Variants in PLOD1 observed in about 807,000 individuals in gnomAD.
The protein encoded by PLOD1 is lysine hydroxylase.
In PLOD1, 70 loss-of-function variants were observed where a neutral mutation model predicts 94.7. The ratio of observed to expected loss-of-function variants is 0.74; its 90% CI spans 0.61 to 0.90. The LOEUF (loss-of-function observed/expected upper bound fraction) is 0.90, where lower values mean the gene tolerates loss of function less well. PLOD1 is among the 40% of genes least tolerant of loss of function. The pLI is 0.00. For missense variants in PLOD1, 905 were observed against 972.7 expected, an observed-to-expected ratio of 0.93 and a Z score of 0.93; for synonymous variants, 417 against 400.2, an observed-to-expected ratio of 1.04 and a Z score of -0.50.
rs774190631 is a variant in PLOD1, at chr1:11,963,502, T to G, written c.1098-30T>G. The G allele has an allele frequency of 2.1e-6, 3 of 1,396,620 alleles. No homozygotes were observed. Among genetic ancestry groups the G allele is most frequent in the Non-Finnish European group, 3.0e-6 (3 of 998,994 alleles). The allele number at this position is 1,396,620 out of a possible 1,614,324, so 86.5% of individuals were successfully genotyped here. A position where few individuals can be genotyped will look rare whatever the true frequency, so the allele number is the denominator to read the frequency against. Reference sequence around the variant, plus strand: ...AGCCACCAGTAGCTCCAGGATCAGGTGCACTGACCCTGTGTCCTCCTCCTT... The same window carrying G: ...AGCCACCAGTAGCTCCAGGATCAGGGGCACTGACCCTGTGTCCTCCTCCTT... On this transcript the variant is annotated intron_variant, in intron 10 of 18. Transcript: ENST00000196061. The surrounding 1 kb of genome is among the most constrained non-coding windows in gnomAD (Gnocchi z 4.3).
chr1:11,943,220 T>C (rs1966174), intron 1 of PLOD1, among the ~76,000 whole-genome samples: 134,827 of 151,782 alleles, frequency 0.89, 60,235 homozygotes, highest in East Asian at 1. Context: ...GAACTCCTGA[T>C]CTCATGATCC....
At position 11,973,017 on chromosome 1, in the gene PLOD1, G is replaced by A; in HGVS notation, c.2028+20G>A. ...TACGAGGTGAGCAGGAGCCAGCCGG[G>A]GTCAAGGGGCCGGCAATGGGGATGA... On this transcript the variant is annotated intron_variant, in intron 18 of 18. Coordinates refer to ENST00000196061, the MANE Select transcript of PLOD1 (RefSeq NM_000302.4). 6.2e-7 allele frequency: 1 copy of A among 1,613,614 alleles called. No homozygotes were observed. The highest frequency in any genetic ancestry group is 8.5e-7 in the Non-Finnish European group (1 of 1,179,720).
rs1645873231 is a variant in PLOD1 at position 11,972,491 on chromosome 1, G to T, written c.1903-381G>T. 4.0e-6 allele frequency: 1 copy of T among 251,096 alleles called. No homozygotes were observed. The highest frequency in any genetic ancestry group is 4.8e-5 in the Admixed American group (1 of 21,000). 15.6% of individuals were successfully genotyped at this position (251,096 alleles called of 1,614,324 possible). On this transcript the variant is annotated intron_variant, in intron 17 of 18. Transcript: ENST00000196061. The surrounding 1 kb of genome is among the most constrained non-coding windows in gnomAD (Gnocchi z 4.6). ...TGGTCTCAAACTCCTGACCTCAGGT[G>T]ATCCGCCCACCTTGGCCTCCCAAAG... is the stretch of plus-strand genomic sequence containing the variant.
In PLOD1 at chr1:11,957,188, G is replaced by A. The variant is rs1414179236; in HGVS notation, c.741+174G>A. On this transcript the variant is annotated intron_variant, in intron 7 of 18. Transcript: ENST00000196061. The surrounding 1 kb of genome is among the most constrained non-coding windows in gnomAD (Gnocchi z 4.1). ...CAGCGTGATGCCTTCTTTTCCTGCT[G>A]TGGTGGTCAGTGGTACTCTGTCTGT... 13 of 760,820 alleles carry A rather than the reference G, an allele frequency of 1.7e-5. No individual in the cohort carries two copies. The highest frequency in any genetic ancestry group is 3.2e-5 in the Non-Finnish European group (13 of 406,322). The allele number at this position is 760,820 out of a possible 1,614,324, so 47.1% of individuals were successfully genotyped here.
chr1:11,965,391 A>T, intron 13 of PLOD1, 89 bp from the exon 14 acceptor site: 2 of 781,752 alleles, frequency 2.6e-6, no homozygotes, highest in Non-Finnish European at 4.4e-6. Context: ...AGGAGGCTGC[A>T]CTGTTGCCCG....
In PLOD1 at chr1:11,972,643, C is replaced by T. The variant is rs980627368; in HGVS notation, c.1903-229C>T. The T allele has an allele frequency of 4.0e-6, 2 of 500,890 alleles. No individual in the cohort carries two copies. The highest frequency in any genetic ancestry group is 7.3e-6 in the Non-Finnish European group (2 of 273,148). The allele number at this position is 500,890 out of a possible 1,614,324, so 31.0% of individuals were successfully genotyped here. ...CCTCCCTTCCTTTCTTCCTTCCCCTCTGTTCTCTTCCTTCCCTCCCTCTCT... is the reference window on the plus strand; with the variant it reads ...CCTCCCTTCCTTTCTTCCTTCCCCTTTGTTCTCTTCCTTCCCTCCCTCTCT... On this transcript the variant is annotated intron_variant, in intron 17 of 18. Transcript: ENST00000196061. The surrounding 1 kb of genome is among the most constrained non-coding windows in gnomAD (Gnocchi z 4.6).
rs1557500405 is a variant in PLOD1, at chr1:11,970,846, CG to C, written c.1902+34del. The C allele has an allele frequency of 3.1e-6, 4 of 1,269,844 alleles. No homozygotes were observed. In the South Asian group the frequency reaches 5.0e-5, roughly 16 times the overall value. The allele number at this position is 1,269,844 out of a possible 1,614,324, so 78.7% of individuals were successfully genotyped here. Reference sequence around the variant, plus strand: ...GCAAGCCTGGGGCATAGCCAGGATGCGGGGACAGTTGGGTGGGGTGTCAGTG... The same window carrying C: ...GCAAGCCTGGGGCATAGCCAGGATGCGGGACAGTTGGGTGGGGTGTCAGTG... On this transcript the variant is annotated intron_variant, in intron 17 of 18. Transcript: ENST00000196061.
chr1:11,970,571 T>C (rs1443651658), intron 16 of PLOD1, 99 bp from the exon 17 acceptor site: 12 of 1,093,682 alleles, frequency 1.1e-5, no homozygotes, highest in Admixed American at 1.9e-5. Flanking sequence ...TGTCATGTAA[T>C]GTGGTCCGGT....
intron 18 of PLOD1, 137 bp from the exon 19 acceptor site, chr1:11,974,516 C>T: frequency 1.2e-6 from 1 of 824,810 alleles, no homozygotes; most frequent in African/African-American, 1.7e-5. Context: ...CTTAGCAGCG[C>T]TTGTGGCTGT....
Position 11,966,314 on chromosome 1 carries a change from A to G in PLOD1, c.1648A>G (p.Thr550Ala). Reference sequence around the variant, plus strand: ...AGCCCTGGCAGGGAAGCTGGTGGAGACGGTAAGGGCCATGGACACCCTCTT... The same window carrying G: ...AGCCCTGGCAGGGAAGCTGGTGGAGGCGGTAAGGGCCATGGACACCCTCTT... ...TKALAGKLVETPCPDVYWFPI... is the reference protein window; with the variant it reads ...TKALAGKLVEAPCPDVYWFPI... Residue 550 changes from threonine to alanine, a missense_variant and splice_region_variant, in exon 15 of 19, where the codon ACG becomes GCG. Transcript: ENST00000196061. 6.2e-7 allele frequency: 1 copy of G among 1,603,388 alleles called. No homozygotes were observed.
At chr1:11,947,657 G>A (rs772816475) in intron 1 of PLOD1, among the ~76,000 whole-genome samples, 4 of 152,150 alleles carry the variant, frequency 2.6e-5, no homozygotes, top group Non-Finnish European at 5.9e-5. Flanking sequence ...CATTCATGAG[G>A]GATCTACCTC....
At chr1:11,967,658 A>ATTTT (rs1553136726) in intron 16 of PLOD1, among the ~76,000 whole-genome samples, 10 of 108,992 alleles carry the variant, frequency 9.2e-5, no homozygotes, top group Non-Finnish European at 7.0e-5. Context: ...ATATATATAT[A>ATTTT]TTTTTTTTAA....
rs546494664 is a variant in PLOD1, at chr1:11,959,742, C to T, written c.976-904C>T. On this transcript the variant is annotated intron_variant, in intron 9 of 18. Coordinates refer to ENST00000196061, the MANE Select transcript of PLOD1 (RefSeq NM_000302.4). ...AAGCCATTCTCCTGCCTCAGCCTCC[C>T]GAGTAGCTGGGATTACAGGCGCCTG... Among the ~76,000 whole-genome samples the T allele has an allele frequency of 6.6e-5, 10 of 151,360 alleles. 1 individual carries two copies. In the East Asian group the frequency reaches 1.2e-3, roughly 18 times the overall value.
At chr1:11,953,595 C>A (rs1645718346) in intron 5 of PLOD1, among the ~76,000 whole-genome samples, 1 of 151,482 alleles carries the variant, frequency 6.6e-6, no homozygotes, top group Non-Finnish European at 1.5e-5. Context: ...AGTTTGAGAC[C>A]AGCCTGGCCA....
chr1:11,940,428 C>T (rs1274936438), intron 1 of PLOD1, among the ~76,000 whole-genome samples: 1 of 152,140 alleles, frequency 6.6e-6, no homozygotes, highest in East Asian at 1.9e-4. Flanking sequence ...GTCGCCAGAA[C>T]CCCCCCGCAG....
Position 11,965,485 on chromosome 1 carries a change from G to A in PLOD1, c.1476G>A (p.Val492=). Residue 492 remains valine, a synonymous_variant, in exon 14 of 19, where the codon GTG becomes GTA. Transcript: ENST00000196061. ...ACCGGGCCTGTCCTCCCCAGGATGT[G>A]TTCATGTTCCTGACCAACCGGCACA... is the stretch of plus-strand genomic sequence containing the variant. ...AFCANIRQQD[V]FMFLTNRHTL... is the part of the protein sequence containing the mutation. 2 of 1,608,314 alleles carry A rather than the reference G, an allele frequency of 1.2e-6. No homozygotes were observed. Among genetic ancestry groups the A allele is most frequent in the Non-Finnish European group, 1.7e-6 (2 of 1,175,158 alleles).
rs375461445 is a variant in PLOD1 at position 11,974,611 on chromosome 1, G to T, written c.2029-42G>T. The T allele has an allele frequency of 5.7e-6, 9 of 1,590,550 alleles. No homozygotes were observed. In the East Asian group the frequency reaches 1.3e-4, roughly 24 times the overall value. On this transcript the variant is annotated intron_variant, in intron 18 of 18. Transcript: ENST00000196061. The stretch of plus-strand genomic sequence containing the variant: ...TCATGACGGGAGAACAGACGGGCAG[G>T]GGGGCGGTGGGGAAAGGCCACTGAT...
intron 1 of PLOD1, among the ~76,000 whole-genome samples, chr1:11,937,614 G>A (rs1259992811): frequency 1.3e-5 from 2 of 152,214 alleles, no homozygotes; most frequent in Non-Finnish European, 2.9e-5. Context: ...TGCCCATGAT[G>A]AAGCCCGGTG....
chr1:11,956,274 C>T (rs1405913471), intron 6 of PLOD1, among the ~76,000 whole-genome samples: 1 of 152,126 alleles, frequency 6.6e-6, no homozygotes, highest in Non-Finnish European at 1.5e-5. Flanking sequence ...ATCCCAGCTA[C>T]TCAGGAGGCT....
Sources: gnomAD v4.1 joint callset for allele counts (sites outside exome capture counted in the v4.1 genomes callset) on GRCh38, gnomAD v4.1.1 for gene constraint, Gnocchi (gnomAD v3.1) non-coding constraint, MANE v1.5 for transcripts, NCBI Gene and HGNC (gene_info 2026-07-23, HGNC 2026-07-21) for gene names.